The following CNTN5 variants were observed in gnomAD, a reference collection of about 807,000 sequenced individuals.
The protein encoded by CNTN5 is contactin 5.
A neutral mutation model predicts 129.1 loss-of-function variants in CNTN5; 77 were observed. The observed-to-expected ratio is 0.60, with a 90% CI of 0.50 to 0.72. The LOEUF (loss-of-function observed/expected upper bound fraction) is 0.72, where lower values mean the gene tolerates loss of function less well. CNTN5 is among the 30% of genes least tolerant of loss of function. The probability of loss-of-function intolerance (pLI) is 0.00; values close to 1 mark genes in which losing one functional copy is unlikely to be tolerated. For missense variants in CNTN5, 1,478 were observed against 1,328.8 expected (o/e 1.11, Z -1.75); for synonymous variants, 509 against 465.6 (o/e 1.09, Z -1.20).
chr11:100,124,064 C>T (rs1946107185), intron 13 of CNTN5, among the ~76,000 whole-genome samples: 1 of 151,968 alleles, frequency 6.6e-6, no homozygotes, highest in African/African-American at 2.4e-5. Context: ...TTACCATGCA[C>T]CAGGTACTGT....
chr11:99,517,426 T>A (rs925684020), intron 2 of CNTN5, among the ~76,000 whole-genome samples: 1 of 152,092 alleles, frequency 6.6e-6, no homozygotes, highest in African/African-American at 2.4e-5. Flanking sequence ...TGTCTCCATT[T>A]TTCATAGGAT....
chr11:99,080,080 A>G (rs932130345), intron 1 of CNTN5, among the ~76,000 whole-genome samples: 1 of 152,208 alleles, frequency 6.6e-6, no homozygotes, highest in African/African-American at 2.4e-5. Context: ...TTTATTATAA[A>G]ACAAAACTTC....
Position 100,150,815 on chromosome 11 carries a change from G to A in CNTN5, c.1581-40311G>A, listed in dbSNP as rs550945254. ...TTATGGATTTAATCTTTGTGTCTCC[G>A]AAAAATTCATATGTTGAACACTTAC... On this transcript the variant is annotated intron_variant, in intron 13 of 24. Coordinates refer to ENST00000524871, the MANE Select transcript of CNTN5 (RefSeq NM_014361.4). 9.3e-4 allele frequency among the ~76,000 whole-genome samples: 142 copies of A among 152,136 alleles called. 1 individual carries two copies. Among genetic ancestry groups the A allele is most frequent in the East Asian group, 1.9e-4 (1 of 5,174 alleles).
At chr11:99,479,889 T>C (rs1945523952) in intron 2 of CNTN5, among the ~76,000 whole-genome samples, 4 of 151,736 alleles carry the variant, frequency 2.6e-5, no homozygotes, top group African/African-American at 9.7e-5. Flanking sequence ...TTTTTTTTTG[T>C]CCAGTTTAGT....
At chr11:99,780,648 G>C (rs1945280736) in intron 3 of CNTN5, among the ~76,000 whole-genome samples, 1 of 151,998 alleles carries the variant, frequency 6.6e-6, no homozygotes, top group African/African-American at 2.4e-5. Flanking sequence ...TTTAAGAACA[G>C]TTTGCATTTC....
At chr11:99,703,455 A>C (rs1432330670) in intron 3 of CNTN5, among the ~76,000 whole-genome samples, 2 of 150,694 alleles carry the variant, frequency 1.3e-5, no homozygotes, top group Non-Finnish European at 3.0e-5. Flanking sequence ...AATATATAAT[A>C]AAAATACTTG....
chr11:99,078,823 G>T (rs2135274385), intron 1 of CNTN5, among the ~76,000 whole-genome samples: 1 of 152,130 alleles, frequency 6.6e-6, no homozygotes, highest in East Asian at 1.9e-4. Flanking sequence ...GGGGAAGTGG[G>T]ATTGGTTAGT....
chr11:99,157,330 A>T (rs1222169012), intron 1 of CNTN5, among the ~76,000 whole-genome samples: 1 of 152,086 alleles, frequency 6.6e-6, no homozygotes, highest in Non-Finnish European at 1.5e-5. Context: ...CTATCCTGTT[A>T]TATAGACTTC....
intron 13 of CNTN5, among the ~76,000 whole-genome samples, chr11:100,186,202 AT>A (rs1464281576): frequency 6.6e-6 from 1 of 151,928 alleles, no homozygotes; most frequent in Non-Finnish European, 1.5e-5. Context: ...CTACAAATAA[AT>A]AAGTAACTAA....
At position 99,373,538 on chromosome 11, in the gene CNTN5, A is replaced by G. The variant is rs1939960840; in HGVS notation, c.-71+48054A>G. Among the ~76,000 whole-genome samples, 3 of 151,708 alleles carry G rather than the reference A, an allele frequency of 2.0e-5. No individual in the cohort carries two copies. The South Asian group carries it at 6.3e-4, about 32-fold the overall frequency. ...AGACCAGCTTGACCAATATGGAGAAACCCTGTCTCTACTAAAAATACAAAA... is the reference window on the plus strand; with the variant it reads ...AGACCAGCTTGACCAATATGGAGAAGCCCTGTCTCTACTAAAAATACAAAA... On this transcript the variant is annotated intron_variant, in intron 2 of 24. Coordinates refer to ENST00000524871, the MANE Select transcript of CNTN5 (RefSeq NM_014361.4).
chr11:99,817,557 A>G (rs1946628470), intron 3 of CNTN5, among the ~76,000 whole-genome samples: 1 of 140,918 alleles, frequency 7.1e-6, no homozygotes, highest in Non-Finnish European at 1.5e-5. Flanking sequence ...AAACCACATT[A>G]TCATACTTCA....
intron 1 of CNTN5, among the ~76,000 whole-genome samples, chr11:99,185,864 TTAAAAATAACCCATCAAAATTAA>T (rs1858325150): frequency 3.0e-5 from 3 of 99,878 alleles, no homozygotes; most frequent in Admixed American, 1.2e-4. Context: ...TTATCACAAT[TTAAAAATAACCCATCAAAATTAA>T]GGAGAGGAAA....
In CNTN5 at chr11:99,593,233, T is replaced by G. The variant is rs572928585; in HGVS notation, c.55+36964T>G. Among the ~76,000 whole-genome samples the G allele has an allele frequency of 2.0e-5, 3 of 152,296 alleles. No homozygotes were observed. In the East Asian group the frequency reaches 5.8e-4, roughly 29 times the overall value. ...TTTATGGATTAAGAGCATAAAGATT[T>G]TTGATCTTATCTTGTAATATCCCCT... On this transcript the variant is annotated intron_variant, in intron 3 of 24. Transcript: ENST00000524871.
At chr11:100,183,974 C>T (rs1463773008) in intron 13 of CNTN5, among the ~76,000 whole-genome samples, 1 of 152,064 alleles carries the variant, frequency 6.6e-6, no homozygotes, top group South Asian at 2.1e-4. Flanking sequence ...CTTGTCCTTC[C>T]GACCTCAGGA....
At chr11:100,179,534 A>C (rs960048659) in intron 13 of CNTN5, among the ~76,000 whole-genome samples, 1 of 152,122 alleles carries the variant, frequency 6.6e-6, no homozygotes, top group Non-Finnish European at 1.5e-5. Flanking sequence ...CAAATAATGA[A>C]AATTTTCTAT....
intron 16 of CNTN5, among the ~76,000 whole-genome samples, chr11:100,234,457 T>C (rs555285548): frequency 7.1e-4 from 108 of 152,250 alleles, no homozygotes; most frequent in African/African-American, 2.6e-3. Flanking sequence ...TGGAATACTA[T>C]ACAGCCGTAA....
At chr11:99,328,555 A>G (rs953494657) in intron 2 of CNTN5, among the ~76,000 whole-genome samples, 1 of 152,074 alleles carries the variant, frequency 6.6e-6, no homozygotes, top group Non-Finnish European at 1.5e-5. Context: ...TTTATAGGAA[A>G]ATTTGTTATA....
At chr11:99,061,513 A>G (rs1185237871) in intron 1 of CNTN5, among the ~76,000 whole-genome samples, 2 of 152,110 alleles carry the variant, frequency 1.3e-5, no homozygotes, top group Admixed American at 6.6e-5. Flanking sequence ...GCTTCTACCT[A>G]TTGCTGCTGT....
intron 2 of CNTN5, among the ~76,000 whole-genome samples, chr11:99,467,655 T>C (rs1343061647): frequency 6.6e-6 from 1 of 152,130 alleles, no homozygotes; most frequent in Non-Finnish European, 1.5e-5. Context: ...CCCACAACAC[T>C]ATCTTAACTT....
Sources: allele counts gnomAD v4.1 joint callset (sites outside exome capture counted in the v4.1 genomes callset), GRCh38; gene constraint gnomAD v4.1.1; transcripts MANE v1.5; gene names NCBI Gene and HGNC (gene_info 2026-07-23, HGNC 2026-07-21).